Variants in NDUFAF2 observed in about 807,000 individuals in gnomAD.
The protein encoded by NDUFAF2 is NADH:ubiquinone oxidoreductase complex assembly factor 2.
NDUFAF2 carries 13 observed loss-of-function variants against 22.8 expected under a neutral mutation model. That is an observed-to-expected ratio of 0.57 (90% CI 0.37 to 0.91). NDUFAF2 has a LOEUF of 0.91. Among genes scored for constraint, NDUFAF2 ranks in the 40% least tolerant of loss-of-function variants. NDUFAF2 has a pLI of 0.01. For synonymous variants in NDUFAF2, 53 were observed against 64.2 expected (o/e 0.83, Z 0.84); for missense variants, 162 against 195.2 (o/e 0.83, Z 1.01).
intron 1 of NDUFAF2, among the ~76,000 whole-genome samples, chr5:61,022,991 T>A (rs1379888837): frequency 1.3e-5 from 2 of 152,122 alleles, no homozygotes; most frequent in Non-Finnish European, 2.9e-5. Context: ...TAGGTATGAG[T>A]TTCTTTTCTT....
At chr5:60,977,836 C>CAAAAAAAAA (rs373286895) in intron 1 of NDUFAF2, among the ~76,000 whole-genome samples, 1 of 116,536 alleles carries the variant, frequency 8.6e-6, no homozygotes, top group Non-Finnish European at 1.7e-5. Context: ...GACTCTGTCT[C>CAAAAAAAAA]AAAAAAAAAA....
intron 1 of NDUFAF2, among the ~76,000 whole-genome samples, chr5:60,994,365 G>T (rs999494352): frequency 1.3e-5 from 2 of 152,196 alleles, no homozygotes; most frequent in African/African-American, 4.8e-5. Flanking sequence ...AGGAGTGGGA[G>T]GCCCGGGTCC....
chr5:61,132,650 T>C (rs947747414), intron 3 of NDUFAF2, among the ~76,000 whole-genome samples: 3 of 152,188 alleles, frequency 2.0e-5, no homozygotes, highest in Non-Finnish European at 4.4e-5. Context: ...TTAGTGTGGT[T>C]CCTCCCTTTT....
At chr5:60,955,885 C>T (rs986342651) in intron 1 of NDUFAF2, among the ~76,000 whole-genome samples, 1 of 149,984 alleles carries the variant, frequency 6.7e-6, no homozygotes, top group Non-Finnish European at 1.5e-5. Context: ...TTGATAGTAC[C>T]TAGACATGCA....
chr5:61,127,668 C>A (rs1047730917), intron 3 of NDUFAF2, among the ~76,000 whole-genome samples: 8 of 152,090 alleles, frequency 5.3e-5, no homozygotes, highest in Admixed American at 2.6e-4. Flanking sequence ...CTATTTATGA[C>A]AAACCCACAG....
intron 1 of NDUFAF2, among the ~76,000 whole-genome samples, chr5:61,058,606 C>A (rs1450180379): frequency 6.6e-6 from 1 of 151,670 alleles, no homozygotes; most frequent in African/African-American, 2.4e-5. Flanking sequence ...GCCTTTTTTC[C>A]TTCCTTTTTG....
At chr5:60,971,960 T>A (rs1750837579) in intron 1 of NDUFAF2, among the ~76,000 whole-genome samples, 1 of 145,824 alleles carries the variant, frequency 6.9e-6, no homozygotes, top group Non-Finnish European at 1.5e-5. Flanking sequence ...TTTTTTTTTC[T>A]GAGACGGAGT....
intron 3 of NDUFAF2, among the ~76,000 whole-genome samples, chr5:61,127,961 A>C (rs531992411): frequency 1.3e-5 from 2 of 152,314 alleles, no homozygotes; most frequent in Admixed American, 1.3e-4. Flanking sequence ...TCAGGATATA[A>C]AATCAATGTG....
At chr5:61,090,152 T>C (rs1157180813) in intron 2 of NDUFAF2, among the ~76,000 whole-genome samples, 1 of 152,086 alleles carries the variant, frequency 6.6e-6, no homozygotes, top group Non-Finnish European at 1.5e-5. Flanking sequence ...AATATGAAAG[T>C]GTTTTTGCAT....
chr5:60,946,892 ATTTAGAC>A (rs1245855668), intron 1 of NDUFAF2, among the ~76,000 whole-genome samples: 1 of 152,210 alleles, frequency 6.6e-6, no homozygotes, highest in African/African-American at 2.4e-5. Flanking sequence ...ATTATACAGG[ATTTAGAC>A]TTTTGAGTCT....
chr5:60,995,886 T>C lies in NDUFAF2; in HGVS notation c.127+50504T>C, dbSNP rs1190034850. On this transcript the variant is annotated intron_variant, in intron 1 of 3. Transcript: ENST00000296597. ...CTGGCACTCAAACCACAAGATTCAG[T>C]CCTTCCCAATGTCCCTCCCCATTTC... Among the ~76,000 whole-genome samples, 4 of 152,158 alleles carry C rather than the reference T, an allele frequency of 2.6e-5. No individual in the cohort carries two copies. The East Asian group carries it at 7.7e-4, about 29-fold the overall frequency.
intron 3 of NDUFAF2, among the ~76,000 whole-genome samples, chr5:61,144,796 G>C (rs1741114055): frequency 6.6e-6 from 1 of 152,116 alleles, no homozygotes; most frequent in Non-Finnish European, 1.5e-5. Flanking sequence ...CAAAGCCCAG[G>C]TTTAAATAGC....
intron 3 of NDUFAF2, among the ~76,000 whole-genome samples, chr5:61,132,117 T>C (rs1218901484): frequency 6.6e-6 from 1 of 152,206 alleles, no homozygotes; most frequent in Non-Finnish European, 1.5e-5. Context: ...GCCAGTCACC[T>C]ATTTACTTAC....
At chr5:61,076,545 G>A (rs535332055) in intron 2 of NDUFAF2, among the ~76,000 whole-genome samples, 37 of 152,354 alleles carry the variant, frequency 2.4e-4, no homozygotes, top group Non-Finnish European at 4.0e-4. Flanking sequence ...AAGGAAGTCA[G>A]TGTGATTGGG....
intron 1 of NDUFAF2, among the ~76,000 whole-genome samples, chr5:60,999,087 C>T (rs934434887): frequency 7.2e-5 from 11 of 151,892 alleles, no homozygotes; most frequent in African/African-American, 2.7e-4. Context: ...TGACACATTA[C>T]CCCAGATGCA....
chr5:61,023,155 T>C (rs1751607386), intron 1 of NDUFAF2, among the ~76,000 whole-genome samples: 2 of 152,158 alleles, frequency 1.3e-5, no homozygotes, highest in Non-Finnish European at 2.9e-5. Flanking sequence ...AAGATACAGA[T>C]TGTATTCTGT....
At chr5:60,978,339 A>T (rs1750930575) in intron 1 of NDUFAF2, among the ~76,000 whole-genome samples, 1 of 152,182 alleles carries the variant, frequency 6.6e-6, no homozygotes, top group African/African-American at 2.4e-5. Flanking sequence ...TGCTATAAAG[A>T]AATACCTGAG....
chr5:60,945,534 C>T lies in NDUFAF2; in HGVS notation c.127+152C>T, dbSNP rs1229390205. The T allele has an allele frequency of 3.4e-6, 4 of 1,170,468 alleles. No homozygotes were observed. In the African/African-American group the frequency reaches 6.0e-5, roughly 18 times the overall value. 72.5% of individuals were successfully genotyped at this position (1,170,468 alleles called of 1,614,324 possible). On this transcript the variant is annotated intron_variant, in intron 1 of 3. Transcript: ENST00000296597. ...CCCGAGTTCGTTCTCCCCTGTCGAC[C>T]CCTTCACTCTGGCATCGGAGCCCTA...
intron 2 of NDUFAF2, among the ~76,000 whole-genome samples, chr5:61,097,702 T>C (rs1752662112): frequency 6.6e-6 from 1 of 152,220 alleles, no homozygotes; most frequent in South Asian, 2.1e-4. Flanking sequence ...TAAAATGGGA[T>C]CAATAATTCT....
Sources: gnomAD v4.1 joint callset for allele counts (sites outside exome capture counted in the v4.1 genomes callset) on GRCh38, gnomAD v4.1.1 for gene constraint, MANE v1.5 for transcripts, NCBI Gene and HGNC (gene_info 2026-07-23, HGNC 2026-07-21) for gene names.